The following HUWE1 variants were observed in gnomAD, a reference collection of about 807,000 sequenced individuals.
HUWE1 encodes the protein HECT, UBA and WWE domain containing E3 ubiquitin protein ligase 1.
A neutral mutation model predicts 299.4 loss-of-function variants in HUWE1; 18 were observed. That is an observed-to-expected ratio of 0.06 (90% CI 0.04 to 0.09). HUWE1 has a LOEUF of 0.09. Ranked by LOEUF, HUWE1 falls within the 10% of genes least tolerant of loss-of-function variation. The pLI, the probability that HUWE1 is intolerant of heterozygous loss-of-function variation, is 1.00. For synonymous variants in HUWE1, 1,317 were observed against 1,286.1 expected (o/e 1.02, Z -0.51); for missense variants, 1,832 against 3,462.3 (o/e 0.53, Z 11.82).
intron 2 of HUWE1, among the ~76,000 whole-genome samples, chrX:53,681,052 G>A (rs1356414290): frequency 1.8e-5 from 2 of 110,898 alleles, no homozygotes; most frequent in African/African-American, 6.6e-5. Context: ...TCACCCAGCC[G>A]AAGTAAAATA....
chrX:53,548,922 T>G, intron 67 of HUWE1, 37 bp downstream of exon 67: 1 of 1,139,512 alleles, frequency 8.8e-7, no homozygotes, highest in South Asian at 1.9e-5. Flanking sequence ...GCTGCCACCC[T>G]TCTTCCATCC....
chrX:53,539,366 G>A (rs1233242967), intron 75 of HUWE1, among the ~76,000 whole-genome samples: 1 of 105,588 alleles, frequency 9.5e-6, no homozygotes, highest in Admixed American at 1.0e-4. Flanking sequence ...AACTTGCAGG[G>A]AAATATGGTA....
At chrX:53,543,192 C>T (rs1348564096) in intron 73 of HUWE1, among the ~76,000 whole-genome samples, 1 of 110,513 alleles carries the variant, frequency 9.0e-6, no homozygotes, top group African/African-American at 3.3e-5. Context: ...TCTTAGGATA[C>T]CTTTCTTGGA....
intron 3 of HUWE1, among the ~76,000 whole-genome samples, chrX:53,677,855 A>G (rs1213176299): frequency 9.0e-6 from 1 of 111,597 alleles, no homozygotes; most frequent in Non-Finnish European, 1.9e-5. Context: ...AGACTCATCA[A>G]TCTTTTAAAT....
chrX:53,578,091 C>T (rs1311998226), intron 43 of HUWE1, among the ~76,000 whole-genome samples: 53 of 102,194 alleles, frequency 5.2e-4, no homozygotes, highest in African/African-American at 1.7e-3. Flanking sequence ...GCCTCTTCCC[C>T]GCCGCCATCC....
intron 78 of HUWE1, 128 bp from the exon 79 acceptor site, chrX:53,536,795 G>T: frequency 1.7e-6 from 1 of 605,022 alleles, no homozygotes; most frequent in Non-Finnish European, 2.7e-6. Context: ...GGTAAACAGA[G>T]AGTGCCAGGA....
rs1415236975 is a variant in HUWE1 at position 53,548,021 on chromosome X, G to T, written c.10288C>A (p.Pro3430Thr). The T allele has an allele frequency of 8.3e-7, 1 of 1,209,374 alleles. No homozygotes were observed. Among genetic ancestry groups the T allele is most frequent in the Non-Finnish European group, 1.1e-6 (1 of 894,875 alleles). ...AACATGTTCATGAGCTGCCCCAGTG[G>T]AGAGGCCTCGAGGCTGTATGGAGAG... ...ETSPYSLEAS[P>T]LGQLMNMLSH... The change falls in exon 68 of 84, where the codon CCA becomes ACA. Residue 3430 changes from proline to threonine, a missense_variant. Coordinates refer to ENST00000262854, the MANE Select transcript of HUWE1 (RefSeq NM_031407.7).
intron 8 of HUWE1, among the ~76,000 whole-genome samples, chrX:53,633,908 G>A (rs1307796987): frequency 8.9e-6 from 1 of 112,173 alleles, no homozygotes; most frequent in Non-Finnish European, 1.9e-5. Context: ...TAGTTCCAGT[G>A]TGAGAATGCA....
intron 44 of HUWE1, 84 bp downstream of exon 44, chrX:53,576,816 C>G (rs2063129890): frequency 1.0e-6 from 1 of 998,823 alleles, no homozygotes; most frequent in Non-Finnish European, 1.4e-6. Context: ...TGAGTGCTCA[C>G]TAAGCCATGA....
At chrX:53,576,242 A>G (rs1390489594) in intron 44 of HUWE1, among the ~76,000 whole-genome samples, 1 of 112,051 alleles carries the variant, frequency 8.9e-6, no homozygotes, top group Non-Finnish European at 1.9e-5. Context: ...GCATTCATCA[A>G]TTTTTGGCAA....
intron 23 of HUWE1, among the ~76,000 whole-genome samples, chrX:53,613,191 A>G (rs782643495): frequency 1.8e-5 from 2 of 111,926 alleles, no homozygotes; most frequent in South Asian, 7.5e-4. Flanking sequence ...TAGAATGAAG[A>G]TAGGTTTGCC....
chrX:53,612,062 G>A (rs1032685384), intron 23 of HUWE1, among the ~76,000 whole-genome samples: 1 of 111,222 alleles, frequency 9.0e-6, no homozygotes, highest in African/African-American at 3.3e-5. Flanking sequence ...CATATTGTGA[G>A]AAAGTACACA....
chrX:53,608,141 C>G (rs1352875275), intron 24 of HUWE1, among the ~76,000 whole-genome samples: 5 of 111,865 alleles, frequency 4.5e-5, no homozygotes, highest in African/African-American at 1.6e-4. Context: ...GAGTTTGTTT[C>G]AAACAAAGAA....
chrX:53,548,128 T>G lies in HUWE1; in HGVS notation c.10181A>C (p.Lys3394Thr). 8.3e-7 allele frequency: 1 copy of G among 1,208,498 alleles called. No individual in the cohort carries two copies. The highest frequency in any genetic ancestry group is 1.1e-6 in the Non-Finnish European group (1 of 893,708). The change falls in exon 68 of 84, where the codon AAA becomes ACA. Residue 3394 changes from lysine (K) to threonine (T), a missense_variant. Lys to Thr is a moderately conservative substitution (Grantham distance 78). This residue lies in a region of HUWE1 where 80 missense variants were observed against 142.1 expected (regional missense o/e 0.56). Transcript: ENST00000262854. ...ICTDFWDLLV[K>T]LDNMNVSRKG... Reference sequence around the variant, plus strand: ...CCGGCTGACATTCATGTTGTCCAGTTTTACCAATAAGTCCCAGAAGTCTGT... The same window carrying G: ...CCGGCTGACATTCATGTTGTCCAGTGTTACCAATAAGTCCCAGAAGTCTGT...
intron 7 of HUWE1, among the ~76,000 whole-genome samples, chrX:53,639,182 A>T (rs1197735625): frequency 8.9e-6 from 1 of 112,033 alleles, no homozygotes; most frequent in Non-Finnish European, 1.9e-5. Flanking sequence ...AAATGGAAAA[A>T]TGGACAAAAG....
At position 53,573,790 on chromosome X, in the gene HUWE1, T is replaced by C. The variant is rs781858310; in HGVS notation, c.6272A>G (p.Asn2091Ser). ...SYVGIATLIA[N>S]YSYTVGQSEL... The stretch of plus-strand genomic sequence containing the variant: ...AGACTGGCCCACAGTGTAGCTGTAG[T>C]TGGCAATCAGGGTAGCAATACCAAC... Residue 2091 changes from asparagine (N) to serine (S), a missense_variant, in exon 47 of 84, where the codon AAC (asparagine) becomes AGC (serine). Coordinates refer to ENST00000262854, the MANE Select transcript of HUWE1 (RefSeq NM_031407.7). 38 of 1,209,841 alleles carry C rather than the reference T, an allele frequency of 3.1e-5. No individual in the cohort carries two copies. Among genetic ancestry groups the C allele is most frequent in the Non-Finnish European group, 4.0e-5 (36 of 894,664 alleles).
At chrX:53,678,496 A>C (rs1557051938) in intron 3 of HUWE1, among the ~76,000 whole-genome samples, 1 of 112,183 alleles carries the variant, frequency 8.9e-6, no homozygotes, top group Non-Finnish European at 1.9e-5. Flanking sequence ...TGAGATCATC[A>C]TAAAGCAGCC....
At chrX:53,648,162 G>T in intron 5 of HUWE1, 50 bp downstream of exon 5, 1 of 778,476 alleles carries the variant, frequency 1.3e-6, no homozygotes, top group Non-Finnish European at 2.0e-6. Flanking sequence ...CATACAAAAT[G>T]ATGTATTAGT....
intron 63 of HUWE1, 135 bp downstream of exon 63, chrX:53,552,176 C>T: frequency 1.4e-6 from 1 of 695,044 alleles, no homozygotes; most frequent in Non-Finnish European, 2.2e-6. Flanking sequence ...ATACCAGCAC[C>T]CCCGCTTATT....
Sources: gnomAD v4.1 joint callset for allele counts (sites outside exome capture counted in the v4.1 genomes callset) on GRCh38, gnomAD v4.1.1 for gene constraint, gnomAD v4.1.1 regional missense constraint, MANE v1.5 for transcripts, NCBI Gene and HGNC (gene_info 2026-07-23, HGNC 2026-07-21) for gene names.